The following GRSF1 variants were observed in gnomAD, a reference collection of about 807,000 sequenced individuals.
GRSF1 encodes the protein G-rich RNA sequence binding factor 1.
Under a neutral mutation model 51.1 loss-of-function variants are expected in GRSF1, and 50 were observed. The observed-to-expected ratio is 0.98, with a 90% CI of 0.78 to 1.24. The LOEUF is 1.24. Among genes scored for constraint, GRSF1 ranks in the 50% most tolerant of loss-of-function variants. The pLI is 0.00. For missense variants in GRSF1, 700 were observed against 639.7 expected (o/e 1.09, Z -1.02); for synonymous variants, 293 against 253.3 (o/e 1.16, Z -1.49).
chr4:70,836,280 G>A lies in GRSF1; in HGVS notation c.392C>T (p.Pro131Leu). 1 of 1,595,796 alleles carries A rather than the reference G, an allele frequency of 6.3e-7. No homozygotes were observed. The highest frequency in any genetic ancestry group is 8.5e-7 in the Non-Finnish European group (1 of 1,174,792). ...SKTTYLEDLP[P>L]PPEYELAPSK... is the part of the protein sequence containing the mutation. ...CGGGGCCAATTCATACTCAGGGGGT[G>A]GTGGAAGGTCTTCCAGGTAAGTAGT... Residue 131 changes from proline to leucine, a missense_variant, in exon 2 of 10, where the codon CCA (proline) becomes CTA (leucine). Transcript: ENST00000254799.
At chr4:70,821,587 CAGAG>C (rs1055107898) in intron 9 of GRSF1, among the ~76,000 whole-genome samples, 1 of 134,078 alleles carries the variant, frequency 7.5e-6, no homozygotes, top group Non-Finnish European at 1.5e-5. Context: ...GCCTGGGCGA[CAGAG>C]AGAGACTCCG....
chr4:70,825,051 G>A (rs1733679078), intron 8 of GRSF1, among the ~76,000 whole-genome samples: 1 of 152,030 alleles, frequency 6.6e-6, no homozygotes, highest in African/African-American at 2.4e-5. Context: ...GCGGTGAGCC[G>A]AGATGGCACC....
At chr4:70,839,339 C>A (rs1400925272) in intron 1 of GRSF1, 132 bp downstream of exon 1, 1 of 1,501,830 alleles carries the variant, frequency 6.7e-7, no homozygotes, top group African/African-American at 1.4e-5. Context: ...TGGACGGGGG[C>A]GGGTGTGCGG....
rs932159964 is a variant in GRSF1, at chr4:70,816,758, C to T, written c.*4129G>A. 6.6e-6 allele frequency: 1 copy of T among 152,054 alleles called. No homozygotes were observed. The highest frequency in any genetic ancestry group is 1.5e-5 in the Non-Finnish European group (1 of 68,014). 9.4% of individuals were successfully genotyped at this position (152,054 alleles called of 1,614,324 possible). On this transcript the variant is annotated 3_prime_UTR_variant, in exon 10 of 10. Transcript: ENST00000254799. Reference sequence around the variant, plus strand: ...CAAAAACAAAAACAAATTCCCATGACATGTATGCTGAAAGGATTAAAAGTG... The same window carrying T: ...CAAAAACAAAAACAAATTCCCATGATATGTATGCTGAAAGGATTAAAAGTG...
At chr4:70,828,921 T>C (rs1189492842) in intron 5 of GRSF1, among the ~76,000 whole-genome samples, 1 of 152,036 alleles carries the variant, frequency 6.6e-6, no homozygotes, top group Non-Finnish European at 1.5e-5. Context: ...GTATTTTTAG[T>C]AGAGACAGGG....
intron 4 of GRSF1, 93 bp downstream of exon 4, chr4:70,832,214 C>G (rs1222274788): frequency 1.0e-6 from 1 of 956,978 alleles, no homozygotes; most frequent in Non-Finnish European, 1.6e-6. Context: ...TAACTGCATG[C>G]CTTTGCCCAG....
intron 1 of GRSF1, chr4:70,839,242 C>T: frequency 6.8e-7 from 1 of 1,470,986 alleles, no homozygotes; most frequent in Non-Finnish European, 9.0e-7. Flanking sequence ...CCCAACCGAC[C>T]AGAGACTCGA....
chr4:70,841,513 C>G (rs1578314884), upstream of GRSF1, among the ~76,000 whole-genome samples: 1 of 152,266 alleles, frequency 6.6e-6, no homozygotes, highest in East Asian at 1.9e-4. Flanking sequence ...TTTAAAAACT[C>G]CTTACTGTGG....
intron 1 of GRSF1, among the ~76,000 whole-genome samples, chr4:70,837,515 G>A (rs1734262871): frequency 8.5e-6 from 1 of 118,268 alleles, no homozygotes; most frequent in Admixed American, 1.2e-4. Context: ...AGTGAGCTGA[G>A]ATCTCGGCAT....
In GRSF1 at chr4:70,820,431, T is replaced by C. The variant is rs906078423; in HGVS notation, c.*456A>G. 1.3e-5 allele frequency: 2 copies of C among 152,612 alleles called. No individual in the cohort carries two copies. The highest frequency in any genetic ancestry group is 2.1e-4 in the South Asian group (1 of 4,828). 9.5% of individuals were successfully genotyped at this position (152,612 alleles called of 1,614,324 possible). ...TGAAACCGTTCTTTGCTTTGGTGAATGTTTGGTTAAAATAAATCACTGTTT... is the reference window on the plus strand; with the variant it reads ...TGAAACCGTTCTTTGCTTTGGTGAACGTTTGGTTAAAATAAATCACTGTTT... On this transcript the variant is annotated 3_prime_UTR_variant, in exon 10 of 10. Coordinates refer to ENST00000254799, the MANE Select transcript of GRSF1 (RefSeq NM_002092.4).
Position 70,833,289 on chromosome 4 carries a change from CA to C in GRSF1, c.515-17del. 2 of 1,607,150 alleles carry C rather than the reference CA, an allele frequency of 1.2e-6. No individual in the cohort carries two copies. Among genetic ancestry groups the C allele is most frequent in the Non-Finnish European group, 1.7e-6 (2 of 1,176,254 alleles). On this transcript the variant is annotated splice_polypyrimidine_tract_variant and intron_variant, in intron 2 of 9. Coordinates refer to ENST00000254799, the MANE Select transcript of GRSF1 (RefSeq NM_002092.4). ...ATTCTGCAGTCTAAAAGTGTATGAG[CA>C]AAATCAATTGAAAACAGAAATCAAA...
chr4:70,821,673 CTTT>C (rs377564579), intron 9 of GRSF1, among the ~76,000 whole-genome samples: 390 of 107,104 alleles, frequency 3.6e-3, no homozygotes, highest in African/African-American at 9.5e-3. Context: ...TTTTTTGTTC[CTTT>C]TTTTTTTTTT....
intron 1 of GRSF1, chr4:70,839,244 G>A (rs1734356568): frequency 6.8e-7 from 1 of 1,473,078 alleles, no homozygotes; most frequent in Non-Finnish European, 9.0e-7. Flanking sequence ...CAACCGACCA[G>A]AGACTCGAGG....
intron 5 of GRSF1, among the ~76,000 whole-genome samples, chr4:70,830,445 T>G (rs1243818840): frequency 1.8e-4 from 25 of 142,246 alleles, no homozygotes; most frequent in Admixed American, 1.7e-3. Context: ...ACCCTGTGTC[T>G]TAAAAAAAAA....
rs1733727577 is a variant in GRSF1, at chr4:70,826,151, G to A, written c.1230C>T (p.Phe410=). Reference sequence around the variant, plus strand: ...TTATAATGTCTTGGGCATTGGCTTGGAAAGGTAATCCTCTCATGTGGACAA... The same window carrying A: ...TTATAATGTCTTGGGCATTGGCTTGAAAAGGTAATCCTCTCATGTGGACAA... ...LHFVHMRGLP[F]QANAQDIINF... Residue 410 remains phenylalanine (F), a synonymous_variant, in exon 7 of 10, where the codon TTC becomes TTT. Coordinates refer to ENST00000254799, the MANE Select transcript of GRSF1 (RefSeq NM_002092.4). The A allele has an allele frequency of 3.1e-6, 5 of 1,611,700 alleles. No homozygotes were observed. The highest frequency in any genetic ancestry group is 1.1e-5 in the South Asian group (1 of 90,852).
chr4:70,826,159 A>C lies in GRSF1; in HGVS notation c.1222T>G (p.Leu408Val). 1.2e-6 allele frequency: 2 copies of C among 1,611,976 alleles called. No homozygotes were observed. Among genetic ancestry groups the C allele is most frequent in the Non-Finnish European group, 1.7e-6 (2 of 1,178,668 alleles). Residue 408 changes from leucine (L) to valine (V), a missense_variant, in exon 7 of 10, where the codon TTA (leucine) becomes GTA (valine). Leu to Val is a conservative substitution (Grantham distance 32). Coordinates refer to ENST00000254799, the MANE Select transcript of GRSF1 (RefSeq NM_002092.4). The part of the protein sequence containing the change: ...SSLHFVHMRG[L>V]PFQANAQDII... Reference sequence around the variant, plus strand: ...TCTTGGGCATTGGCTTGGAAAGGTAATCCTCTCATGTGGACAAAATGCAGA... The same window carrying C: ...TCTTGGGCATTGGCTTGGAAAGGTACTCCTCTCATGTGGACAAAATGCAGA...
intron 1 of GRSF1, 91 bp downstream of exon 1, chr4:70,839,380 G>A (rs1468208995): frequency 6.6e-7 from 1 of 1,507,696 alleles, no homozygotes; most frequent in South Asian, 1.2e-5. Flanking sequence ...GCGTGCCCGC[G>A]AGGCGCACAC....
At chr4:70,840,757 C>T (rs1734433609), upstream of GRSF1, among the ~76,000 whole-genome samples, 1 of 151,918 alleles carries the variant, frequency 6.6e-6, no homozygotes, top group Non-Finnish European at 1.5e-5. Flanking sequence ...AGTGAGACGC[C>T]ATCTCCAAAC....
chr4:70,832,139 AAC>A (rs1316662036), intron 4 of GRSF1, among the ~76,000 whole-genome samples, 166 bp downstream of exon 4: 2 of 152,188 alleles, frequency 1.3e-5, no homozygotes, highest in Non-Finnish European at 2.9e-5. Context: ...ATAGAACAAA[AAC>A]ACATATAAAA....
Sources: gnomAD v4.1 joint callset for allele counts (sites outside exome capture counted in the v4.1 genomes callset) on GRCh38, gnomAD v4.1.1 for gene constraint, MANE v1.5 for transcripts, NCBI Gene and HGNC (gene_info 2026-07-23, HGNC 2026-07-21) for gene names.